The following HGSNAT variants were observed in gnomAD, a reference collection of about 807,000 sequenced individuals.
HGSNAT encodes the protein transmembrane protein 76.
A neutral mutation model predicts 85.2 loss-of-function variants in HGSNAT; 59 were observed. That is an observed-to-expected ratio of 0.69 (90% CI 0.56 to 0.86). The LOEUF is 0.86. Ranked by LOEUF, HGSNAT falls within the 40% of genes least tolerant of loss-of-function variation. The pLI is 0.00. For missense variants in HGSNAT, 756 were observed against 777.1 expected (o/e 0.97, Z 0.32); for synonymous variants, 321 against 304.5 (o/e 1.05, Z -0.56).
chr8:43,182,229 T>C lies in HGSNAT; in HGVS notation c.1097T>C (p.Phe366Ser). 1 of 1,613,930 alleles carries C rather than the reference T, an allele frequency of 6.2e-7. No individual in the cohort carries two copies. Among genetic ancestry groups the C allele is most frequent in the African/African-American group, 1.3e-5 (1 of 75,046 alleles). ...GTGGTTGCTGTGTTGGAGCTCCTCT[T>C]TGCTAAACCTGTGCCTGAACATTGT... Reference protein sequence around the residue: ...YFVVAVLELLFAKPVPEHCAS... With the variant: ...YFVVAVLELLSAKPVPEHCAS... The change falls in exon 11 of 18, where the codon TTT becomes TCT. Residue 366 changes from phenylalanine (F) to serine (S), a missense_variant. Transcript: ENST00000379644.
intron 10 of HGSNAT, among the ~76,000 whole-genome samples, chr8:43,181,101 G>C (rs1374469651): frequency 3.5e-3 from 1 of 284 alleles, no homozygotes; most frequent in Non-Finnish European, 0.12. Flanking sequence ...GGGAGAGGGA[G>C]AGGGAGAGGG....
intron 9 of HGSNAT, 32 bp downstream of exon 9, chr8:43,173,775 CG>C (rs759145251): frequency 1.1e-5 from 18 of 1,602,880 alleles, no homozygotes; most frequent in African/African-American, 2.7e-5. Context: ...TTCTCTTCCA[CG>C]GGTTGACTCC....
At chr8:43,199,286 C>T (rs1804839257) in intron 17 of HGSNAT, 102 bp from the exon 18 acceptor site, 1 of 792,800 alleles carries the variant, frequency 1.3e-6, no homozygotes, top group Non-Finnish European at 2.0e-6. Context: ...TGGAAGTGCA[C>T]ACTTTCTGTT....
chr8:43,147,102 G>A lies in HGSNAT; in HGVS notation c.234+39G>A, dbSNP rs546754574. ...CACACTCAGTTCTGTTTGCTTTGGG[G>A]CTTGTTTGATATGATCCTTAATGCT... is the stretch of plus-strand genomic sequence containing the variant. On this transcript the variant is annotated intron_variant, in intron 2 of 17. Coordinates refer to ENST00000379644, the MANE Select transcript of HGSNAT (RefSeq NM_152419.3). 6.3e-4 allele frequency: 789 copies of A among 1,245,062 alleles called. 17 individuals are homozygous for A. The South Asian group carries it at 0.01, about 16-fold the overall frequency. 77.1% of individuals were successfully genotyped at this position (1,245,062 alleles called of 1,614,324 possible).
At chr8:43,198,531 C>T (rs1804810496) in intron 17 of HGSNAT, among the ~76,000 whole-genome samples, 1 of 152,246 alleles carries the variant, frequency 6.6e-6, no homozygotes, top group African/African-American at 2.4e-5. Flanking sequence ...TCGTGATCCG[C>T]CCGCCTCGGC....
At chr8:43,184,152 G>C (rs530844412) in intron 11 of HGSNAT, among the ~76,000 whole-genome samples, 22 of 152,350 alleles carry the variant, frequency 1.4e-4, no homozygotes, top group Non-Finnish European at 2.6e-4. Context: ...TATATACCCA[G>C]TAATGGGATG....
intron 10 of HGSNAT, chr8:43,180,378 ACGGAGCGGCCGGG>A (rs1804034410): frequency 7.9e-6 from 1 of 126,336 alleles, no homozygotes; most frequent in Non-Finnish European, 1.7e-5. Context: ...CACTTCTCAG[ACGGAGCGGCCGGG>A]CAGAGACGCT....
Position 43,169,080 on chromosome 8 carries a change from T to C in HGSNAT, c.564-93T>C, listed in dbSNP as rs894260781. 4.7e-6 allele frequency: 3 copies of C among 637,998 alleles called. No homozygotes were observed. The African/African-American group carries it at 5.5e-5, about 12-fold the overall frequency. 39.5% of individuals were successfully genotyped at this position (637,998 alleles called of 1,614,324 possible). On this transcript the variant is annotated intron_variant, in intron 5 of 17. Coordinates refer to ENST00000379644, the MANE Select transcript of HGSNAT (RefSeq NM_152419.3). ...TGTTTAATTACTTAGTAATATAGAA[T>C]ATGAGCTTTAATTTTATTTCCATAT...
intron 2 of HGSNAT, among the ~76,000 whole-genome samples, chr8:43,152,893 T>C (rs1397864360): frequency 6.6e-6 from 1 of 152,164 alleles, no homozygotes; most frequent in African/African-American, 2.4e-5. Flanking sequence ...AATATGTAAA[T>C]AGAATTCATT....
rs1362842561 is a variant in HGSNAT at position 43,170,054 on chromosome 8, CAA to C, written c.634-530_634-529del. Among the ~76,000 whole-genome samples the C allele has an allele frequency of 3.3e-5, 5 of 152,206 alleles. No homozygotes were observed. The East Asian group carries it at 9.7e-4, about 29-fold the overall frequency. On this transcript the variant is annotated intron_variant, in intron 6 of 17. Coordinates refer to ENST00000379644, the MANE Select transcript of HGSNAT (RefSeq NM_152419.3). ...CAGGCTGGTCTCAAACTCTTGGGCT[CAA>C]GAGATTTGCCCACCTTGGCCTCCCA...
intron 2 of HGSNAT, 37 bp from the exon 3 acceptor site, chr8:43,158,538 A>G (rs777417252): frequency 1.2e-6 from 2 of 1,611,450 alleles, no homozygotes; most frequent in South Asian, 2.2e-5. Flanking sequence ...ATGTTGAAAA[A>G]CCTCTGGCGG....
At chr8:43,189,566 C>T (rs561579764) in intron 11 of HGSNAT, among the ~76,000 whole-genome samples, 11 of 152,262 alleles carry the variant, frequency 7.2e-5, no homozygotes, top group East Asian at 5.8e-4. Context: ...GGGAATTATC[C>T]GACCTCTTGC....
chr8:43,150,202 C>T (rs1264785639), intron 2 of HGSNAT, among the ~76,000 whole-genome samples: 1 of 152,164 alleles, frequency 6.6e-6, no homozygotes, highest in African/African-American at 2.4e-5. Flanking sequence ...ATCCGCCCGC[C>T]TCAGCCTCCC....
intron 2 of HGSNAT, among the ~76,000 whole-genome samples, chr8:43,150,641 G>A (rs1040626415): frequency 6.6e-6 from 1 of 152,050 alleles, no homozygotes; most frequent in Non-Finnish European, 1.5e-5. Context: ...AGACCATCCT[G>A]GCCAACACGG....
intron 11 of HGSNAT, among the ~76,000 whole-genome samples, chr8:43,188,809 T>C (rs1804418142): frequency 6.6e-6 from 1 of 152,202 alleles, no homozygotes; most frequent in Admixed American, 6.5e-5. Flanking sequence ...TTGATGATGG[T>C]GATGTACAGA....
chr8:43,179,938 A>AC (rs1169134053), intron 10 of HGSNAT, among the ~76,000 whole-genome samples: 1,505 of 20,764 alleles, frequency 0.072, 2 homozygotes, highest in Admixed American at 0.16. Context: ...CGGGGGGCTG[A>AC]CCCCCCCACC....
chr8:43,140,958 G>A (rs1197262618), intron 1 of HGSNAT, among the ~76,000 whole-genome samples: 3 of 152,182 alleles, frequency 2.0e-5, no homozygotes, highest in African/African-American at 7.2e-5. Context: ...CCACAAACTG[G>A]CAGCCAGGAG....
chr8:43,156,393 C>T (rs1803096197), intron 2 of HGSNAT, among the ~76,000 whole-genome samples: 2 of 152,044 alleles, frequency 1.3e-5, no homozygotes, highest in South Asian at 4.1e-4. Flanking sequence ...GCAACCTCCA[C>T]CCCCTGGGTT....
intron 9 of HGSNAT, among the ~76,000 whole-genome samples, chr8:43,177,009 T>A (rs1167386625): frequency 1.3e-5 from 2 of 152,214 alleles, no homozygotes; most frequent in Non-Finnish European, 2.9e-5. Context: ...TTTGACTTCC[T>A]CCTTTCCAAC....
Sources: gnomAD v4.1 joint callset for allele counts (sites outside exome capture counted in the v4.1 genomes callset) on GRCh38, gnomAD v4.1.1 for gene constraint, MANE v1.5 for transcripts, NCBI Gene and HGNC (gene_info 2026-07-23, HGNC 2026-07-21) for gene names.